Variants in SCARB1 observed in about 807,000 individuals in gnomAD.
SCARB1 encodes the protein CD36 and LIMPII analogous 1.
SCARB1 carries 30 observed loss-of-function variants against 57.2 expected under a neutral mutation model. That is an observed-to-expected ratio of 0.52 (90% CI 0.39 to 0.71). SCARB1 has a LOEUF of 0.71. Ranked by LOEUF, SCARB1 falls within the 30% of genes least tolerant of loss-of-function variation. The pLI is 0.00. For synonymous variants in SCARB1, 249 were observed against 268.3 expected, an observed-to-expected ratio of 0.93 and a Z score of 0.70; for missense variants, 543 against 671.2, an observed-to-expected ratio of 0.81 and a Z score of 2.11.
At chr12:124,827,699 C>T (rs1951217336) in intron 1 of SCARB1, among the ~76,000 whole-genome samples, 3 of 152,180 alleles carry the variant, frequency 2.0e-5, no homozygotes, top group Admixed American at 6.5e-5. Context: ...GCACCCACTG[C>T]TTCCTCCTAA....
At chr12:124,806,994 T>G in intron 7 of SCARB1, among the ~76,000 whole-genome samples, 1 of 150,574 alleles carries the variant, frequency 6.6e-6, no homozygotes, top group Non-Finnish European at 1.5e-5. Flanking sequence ...AGGTCAGGAG[T>G]TCAAGACCAG....
At chr12:124,786,165 G>A (rs968324311) in intron 11 of SCARB1, 192 bp downstream of exon 11, 15 of 1,559,238 alleles carry the variant, frequency 9.6e-6, no homozygotes, top group Admixed American at 3.7e-5. Context: ...TAGTGGCAAC[G>A]CGGCATGCAA....
At chr12:124,801,283 G>A (rs1034676050) in intron 7 of SCARB1, among the ~76,000 whole-genome samples, 2 of 152,162 alleles carry the variant, frequency 1.3e-5, no homozygotes, top group East Asian at 1.9e-4. Context: ...TGGTGACCAG[G>A]GGCTGGGGGA....
At chr12:124,805,142 C>A (rs1367713061) in intron 7 of SCARB1, among the ~76,000 whole-genome samples, 1 of 139,448 alleles carries the variant, frequency 7.2e-6, no homozygotes, top group Non-Finnish European at 1.5e-5. Flanking sequence ...AAGACCAAGA[C>A]AAGAAGACAA....
chr12:124,789,794 C>T lies in SCARB1; in HGVS notation c.1203-2337G>A, dbSNP rs1322155903. The stretch of plus-strand genomic sequence containing the variant: ...TTGGGAGGCCGAGGCAGGTGGATCA[C>T]AAGGTCAGGAGATTGAGACCATCCT... On this transcript the variant is annotated intron_variant, in intron 9 of 12. Coordinates refer to ENST00000261693, the MANE Select transcript of SCARB1 (RefSeq NM_005505.5). The surrounding 1 kb of genome is among the most constrained non-coding windows in gnomAD (Gnocchi z 4.4). Among the ~76,000 whole-genome samples the T allele has an allele frequency of 6.6e-6, 1 of 152,052 alleles. No individual in the cohort carries two copies. The highest frequency in any genetic ancestry group is 1.9e-4 in the East Asian group (1 of 5,184).
rs1422936528 is a variant in SCARB1 at position 124,789,481 on chromosome 12, A to G, written c.1203-2024T>C. On this transcript the variant is annotated intron_variant, in intron 9 of 12. Coordinates refer to ENST00000261693, the MANE Select transcript of SCARB1 (RefSeq NM_005505.5). The surrounding 1 kb of genome is among the most constrained non-coding windows in gnomAD (Gnocchi z 4.4). ...AAGGGGACCGTGCAGACATGACTGCATCAAGGCTCTCAGATGGGGAGAGCG... is the reference window on the plus strand; with the variant it reads ...AAGGGGACCGTGCAGACATGACTGCGTCAAGGCTCTCAGATGGGGAGAGCG... Among the ~76,000 whole-genome samples, 1 of 152,184 alleles carries G rather than the reference A, an allele frequency of 6.6e-6. No homozygotes were observed. The highest frequency in any genetic ancestry group is 1.5e-5 in the Non-Finnish European group (1 of 68,036).
At chr12:124,856,548 G>C (rs898876451) in intron 1 of SCARB1, among the ~76,000 whole-genome samples, 2 of 152,246 alleles carry the variant, frequency 1.3e-5, no homozygotes, top group Admixed American at 6.5e-5. Flanking sequence ...TCACATGCTA[G>C]AAGGAGTAGG....
At chr12:124,850,000 G>A in intron 1 of SCARB1, among the ~76,000 whole-genome samples, 1 of 126,320 alleles carries the variant, frequency 7.9e-6, no homozygotes, top group Non-Finnish European at 1.8e-5. Context: ...AGTGGTTGAA[G>A]CTGCAGTGAG....
intron 11 of SCARB1, chr12:124,783,440 AT>A (rs1171880374): frequency 0.022 from 3,235 of 147,906 alleles, 106 homozygotes; most frequent in African/African-American, 0.069. Context: ...CCCGCATGTG[AT>A]TTTTTTTTTT....
At chr12:124,848,670 T>G (rs938673183) in intron 1 of SCARB1, among the ~76,000 whole-genome samples, 1 of 152,232 alleles carries the variant, frequency 6.6e-6, no homozygotes, top group Non-Finnish European at 1.5e-5. Context: ...AAGAACACAC[T>G]GGGCTGCTTT....
In SCARB1 at chr12:124,814,867, C is replaced by A. The variant is rs61762479; in HGVS notation, c.426+106G>T. 1.4e-6 allele frequency: 2 copies of A among 1,460,996 alleles called. No individual in the cohort carries two copies. The highest frequency in any genetic ancestry group is 1.2e-5 in the South Asian group (1 of 84,532). The allele number at this position is 1,460,996 out of a possible 1,614,324, so 90.5% of individuals were successfully genotyped here. A position where few individuals can be genotyped will look rare whatever the true frequency, so the allele number is the denominator to read the frequency against. The stretch of plus-strand genomic sequence containing the variant: ...GCCACCCACCAGGCGTGAGTCCCCA[C>A]GCTCCGACCACCTCAGGGACTGCTC... On this transcript the variant is annotated intron_variant, in intron 3 of 12. Transcript: ENST00000261693. The surrounding 1 kb of genome is among the most constrained non-coding windows in gnomAD (Gnocchi z 4.7).
rs575192606 is a variant in SCARB1, at chr12:124,859,494, G to A, written c.126+4101C>T. 4.2e-4 allele frequency among the ~76,000 whole-genome samples: 64 copies of A among 152,076 alleles called. 1 individual carries two copies. The highest frequency in any genetic ancestry group is 3.4e-3 in the Middle Eastern group (1 of 294). On this transcript the variant is annotated intron_variant, in intron 1 of 12. Transcript: ENST00000261693. The stretch of plus-strand genomic sequence containing the variant: ...TGCAGTGAGCCGAGATCGTGCCACT[G>A]CACTCCAGCCTGGGCGACAGAGCGA...
intron 1 of SCARB1, among the ~76,000 whole-genome samples, chr12:124,850,259 A>G (rs1230845187): frequency 1.3e-5 from 2 of 151,124 alleles, no homozygotes; most frequent in Non-Finnish European, 2.9e-5. Context: ...TGTAATCCCA[A>G]CTACTCAGGA....
chr12:124,788,959 C>T (rs1028180596), intron 9 of SCARB1, among the ~76,000 whole-genome samples: 1 of 152,136 alleles, frequency 6.6e-6, no homozygotes, highest in African/African-American at 2.4e-5. Flanking sequence ...GAAGGAAGCA[C>T]AGCAAATTGA....
At chr12:124,824,697 C>T (rs962767781) in intron 1 of SCARB1, among the ~76,000 whole-genome samples, 8 of 152,108 alleles carry the variant, frequency 5.3e-5, no homozygotes, top group African/African-American at 1.9e-4. Flanking sequence ...ACTGGGGAGT[C>T]GGGACAGTTT....
At chr12:124,792,647 G>A (rs971439053) in intron 9 of SCARB1, among the ~76,000 whole-genome samples, 8 of 150,620 alleles carry the variant, frequency 5.3e-5, no homozygotes, top group Non-Finnish European at 1.0e-4. Flanking sequence ...GCTGGAACCC[G>A]GGAGGCAGAG....
In SCARB1 at chr12:124,807,990, C is replaced by CA; in HGVS notation, c.843-64dup. ...CCCGGCGGCCAGAGCCAGGCCCTGCCAAAGGCTGCCCAGATCCAGCCACTT... is the reference window on the plus strand; with the variant it reads ...CCCGGCGGCCAGAGCCAGGCCCTGCCAAAAGGCTGCCCAGATCCAGCCACTT... On this transcript the variant is annotated intron_variant, in intron 6 of 12. Transcript: ENST00000261693. This position sits in a 1 kb window ranked among gnomAD's most constrained non-coding sequence, Gnocchi z 5.3. 6.5e-7 allele frequency: 1 copy of CA among 1,540,278 alleles called. No homozygotes were observed. Among genetic ancestry groups the CA allele is most frequent in the Non-Finnish European group, 9.0e-7 (1 of 1,115,558 alleles).
intron 1 of SCARB1, among the ~76,000 whole-genome samples, chr12:124,840,782 C>T (rs1260298465): frequency 1.3e-5 from 2 of 150,788 alleles, no homozygotes; most frequent in Non-Finnish European, 2.9e-5. Flanking sequence ...GAAAACTACC[C>T]CCACCTGGCT....
In SCARB1 at chr12:124,837,553, G is replaced by T. The variant is rs142894757; in HGVS notation, c.127-19846C>A. 5.0e-4 allele frequency among the ~76,000 whole-genome samples: 7 copies of T among 14,082 alleles called. 1 individual carries two copies. Among genetic ancestry groups the T allele is most frequent in the Non-Finnish European group, 1.1e-3 (6 of 5,560 alleles). The allele number at this position is 14,082 out of a possible 152,430, so 9.2% of individuals were successfully genotyped here. A position where few individuals can be genotyped will look rare whatever the true frequency, so the allele number is the denominator to read the frequency against. ...GAAAAAGAAAGAAAAGAAAAGAAAA[G>T]AAAAGAAAAGAAAAGAAAAGAAAAG... On this transcript the variant is annotated intron_variant, in intron 1 of 12. Transcript: ENST00000261693.
Sources: gnomAD v4.1 joint callset for allele counts (sites outside exome capture counted in the v4.1 genomes callset) on GRCh38, gnomAD v4.1.1 for gene constraint, Gnocchi (gnomAD v3.1) non-coding constraint, MANE v1.5 for transcripts, NCBI Gene and HGNC (gene_info 2026-07-23, HGNC 2026-07-21) for gene names.